RYR2: variants seen among roughly 807,000 people sequenced by gnomAD.
RYR2 encodes cardiac muscle ryanodine receptor-calcium release channel.
A neutral mutation model predicts 601.1 loss-of-function variants in RYR2; 227 were observed. That is an observed-to-expected ratio of 0.38 (90% CI 0.34 to 0.42). RYR2 has a LOEUF of 0.42. Among genes scored for constraint, RYR2 ranks in the 10% least tolerant of loss-of-function variants. The pLI is 1.00. For missense variants in RYR2, 4,646 were observed against 6,156.5 expected, an observed-to-expected ratio of 0.75 and a Z score of 8.21; for synonymous variants, 2,223 against 2,175.1, an observed-to-expected ratio of 1.02 and a Z score of -0.61.
intron 16 of RYR2, among the ~76,000 whole-genome samples, chr1:237,460,338 G>C (rs1456564542): frequency 6.6e-6 from 1 of 152,164 alleles, no homozygotes; most frequent in Non-Finnish European, 1.5e-5. Context: ...GGCAAGAGTA[G>C]GGAAATTTTA....
In RYR2 at chr1:237,501,172, GT is replaced by G. The variant is rs58106054; in HGVS notation, c.2396+286del. Among the ~76,000 whole-genome samples the G allele has an allele frequency of 0.059, 7,545 of 127,930 alleles. 193 individuals carry two copies. The highest frequency in any genetic ancestry group is 0.077 in the Non-Finnish European group (4,532 of 58,596). 83.9% of individuals were successfully genotyped at this position (127,930 alleles called of 152,430 possible). A position where few individuals can be genotyped will look rare whatever the true frequency, so the allele number is the denominator to read the frequency against. On this transcript the variant is annotated intron_variant, in intron 21 of 104. Coordinates refer to ENST00000366574, the MANE Select transcript of RYR2 (RefSeq NM_001035.3). ...CCAGGGTCCTGAACTATTTCAAGGT[GT>G]TTTTTTTTTTTTTTTTAGTTCATTT... is the stretch of plus-strand genomic sequence containing the variant.
intron 1 of RYR2, among the ~76,000 whole-genome samples, chr1:237,257,533 G>A (rs1688109970): frequency 6.6e-6 from 1 of 152,142 alleles, no homozygotes; most frequent in South Asian, 2.1e-4. Context: ...CCTTTTAAAG[G>A]TATAGAAAGT....
At chr1:237,402,982 G>A (rs567641563) in intron 10 of RYR2, among the ~76,000 whole-genome samples, 2 of 144,158 alleles carry the variant, frequency 1.4e-5, no homozygotes, top group South Asian at 2.3e-4. Context: ...TGATATTATA[G>A]ATGGTCTATC....
intron 44 of RYR2, among the ~76,000 whole-genome samples, chr1:237,635,898 A>G (rs752275379): frequency 1.3e-5 from 2 of 152,242 alleles, no homozygotes; most frequent in South Asian, 2.1e-4. Context: ...TGCTAGTCCA[A>G]CCATCTGCAG....
chr1:237,248,003 G>A (rs1216415537), intron 1 of RYR2, among the ~76,000 whole-genome samples: 1 of 152,114 alleles, frequency 6.6e-6, no homozygotes, highest in Admixed American at 6.5e-5. Flanking sequence ...GCCGGGCACG[G>A]TGGCTTATGC....
At chr1:237,324,970 G>A (rs1479586405) in intron 2 of RYR2, among the ~76,000 whole-genome samples, 1 of 152,204 alleles carries the variant, frequency 6.6e-6, no homozygotes, top group African/African-American at 2.4e-5. Context: ...CTAACTGCCT[G>A]TATCCCTATA....
At chr1:237,652,647 T>C (rs1488130737) in intron 51 of RYR2, among the ~76,000 whole-genome samples, 5 of 152,192 alleles carry the variant, frequency 3.3e-5, no homozygotes, top group Non-Finnish European at 7.3e-5. Context: ...ATAAATTATA[T>C]CCTTGATAAA....
intron 100 of RYR2, among the ~76,000 whole-genome samples, chr1:237,812,890 A>G (rs867963721): frequency 5.3e-4 from 48 of 90,192 alleles, no homozygotes; most frequent in Non-Finnish European, 6.3e-5. Context: ...AGAAAAATGT[A>G]TAAGTTTTTT....
chr1:237,293,679 A>G (rs1160393506), intron 2 of RYR2, among the ~76,000 whole-genome samples: 1 of 152,224 alleles, frequency 6.6e-6, no homozygotes, highest in African/African-American at 2.4e-5. Context: ...AGTACAAAGC[A>G]TACAGATGAA....
chr1:237,700,800 A>G (rs1230964161), intron 65 of RYR2, among the ~76,000 whole-genome samples: 1 of 152,202 alleles, frequency 6.6e-6, no homozygotes, highest in African/African-American at 2.4e-5. Flanking sequence ...TATAACATGC[A>G]ACAGTAAATG....
chr1:237,577,537 C>T (rs2779420), intron 29 of RYR2, among the ~76,000 whole-genome samples: 38,631 of 79,526 alleles, frequency 0.49, 6,478 homozygotes, highest in Admixed American at 0.59. Flanking sequence ...TGTGTGTGTG[C>T]GTGTGTGTGT....
At position 237,441,350 on chromosome 1, in the gene RYR2, T is replaced by G; in HGVS notation, c.1037T>G (p.Val346Gly). The change falls in exon 13 of 105, where the codon GTA (valine) becomes GGA (glycine). Residue 346 changes from valine to glycine, a missense_variant. By Grantham distance (109) the Val-to-Gly change is moderately radical (BLOSUM62 -3). Around this residue, in one of 17 missense-constraint regions of RYR2, gnomAD observed 1,807 missense variants for 2,088.1 expected, o/e 0.87. Transcript: ENST00000366574. Reference protein sequence around the residue: ...EKLDVGVRKEVDGMGTSEIKY... With the variant: ...EKLDVGVRKEGDGMGTSEIKY... ...TTGGATGTAGGGGTGAGAAAAGAAG[T>G]AGATGGCATGGGAACATCTGAAATA... The G allele has an allele frequency of 6.2e-7, 1 of 1,613,768 alleles. No homozygotes were observed. Among genetic ancestry groups the G allele is most frequent in the Non-Finnish European group, 8.5e-7 (1 of 1,179,732 alleles).
At chr1:237,174,787 C>T (rs566790698) in intron 1 of RYR2, among the ~76,000 whole-genome samples, 1 of 152,144 alleles carries the variant, frequency 6.6e-6, no homozygotes, top group Non-Finnish European at 1.5e-5. Flanking sequence ...AGAAATACTC[C>T]AACAATGACA....
intron 92 of RYR2, 40 bp from the exon 93 acceptor site, chr1:237,791,389 G>A: frequency 9.6e-7 from 1 of 1,045,554 alleles, no homozygotes; most frequent in South Asian, 1.3e-5. Flanking sequence ...TTTCAAGCCT[G>A]TTGATTCAGT....
intron 64 of RYR2, 73 bp from the exon 65 acceptor site, chr1:237,700,156 A>G: frequency 2.0e-6 from 2 of 985,994 alleles, no homozygotes; most frequent in South Asian, 3.3e-5. Flanking sequence ...AAACATCATA[A>G]GAGAACCACA....
At chr1:237,272,559 TTATA>T (rs1572431146) in intron 2 of RYR2, among the ~76,000 whole-genome samples, 1 of 148,696 alleles carries the variant, frequency 6.7e-6, no homozygotes, top group African/African-American at 2.4e-5. Context: ...TATGTATAAT[TTATA>T]TATATTAGTG....
chr1:237,829,290 C>T (rs1425996760), intron 102 of RYR2, among the ~76,000 whole-genome samples: 1 of 152,164 alleles, frequency 6.6e-6, no homozygotes, highest in East Asian at 1.9e-4. Flanking sequence ...AGAACAGGGA[C>T]AGGGAAGTGG....
intron 2 of RYR2, among the ~76,000 whole-genome samples, chr1:237,323,390 A>C (rs1695820450): frequency 6.6e-6 from 1 of 152,172 alleles, no homozygotes; most frequent in Admixed American, 6.5e-5. Context: ...TTGTATGCAC[A>C]TCAACAATGG....
At chr1:237,272,005 C>G (rs890468526) in intron 2 of RYR2, among the ~76,000 whole-genome samples, 2 of 152,070 alleles carry the variant, frequency 1.3e-5, no homozygotes, top group African/African-American at 4.8e-5. Context: ...TAATGCACAC[C>G]TGTAATCCCA....
Sources: allele counts gnomAD v4.1 joint callset (sites outside exome capture counted in the v4.1 genomes callset), GRCh38; gene constraint gnomAD v4.1.1; regional missense constraint gnomAD v4.1.1; transcripts MANE v1.5; gene names NCBI Gene and HGNC (gene_info 2026-07-23, HGNC 2026-07-21).